Variants in PCLO observed in about 807,000 individuals in gnomAD.
The protein encoded by PCLO is piccolo presynaptic cytomatrix protein.
A neutral mutation model predicts 427.5 loss-of-function variants in PCLO; 82 were observed. That is an observed-to-expected ratio of 0.19 (90% CI 0.16 to 0.23). The LOEUF (loss-of-function observed/expected upper bound fraction) is 0.23. Among genes scored for constraint, PCLO ranks in the 10% least tolerant of loss-of-function variants. The pLI is 1.00. For missense variants in PCLO, 6,239 were observed against 6,115.9 expected, an observed-to-expected ratio of 1.02 and a Z score of -0.67; for synonymous variants, 2,357 against 2,155.4, an observed-to-expected ratio of 1.09 and a Z score of -2.59.
chr7:83,127,174 C>A (rs1200584900), intron 3 of PCLO, among the ~76,000 whole-genome samples: 1 of 151,940 alleles, frequency 6.6e-6, no homozygotes, highest in Non-Finnish European at 1.5e-5. Context: ...TACATCTATT[C>A]ACCTTATAAA....
chr7:82,759,313 T>G (rs1235105908), intron 24 of PCLO, among the ~76,000 whole-genome samples: 1 of 151,814 alleles, frequency 6.6e-6, no homozygotes, highest in East Asian at 1.9e-4. Context: ...TAAGCAGTAA[T>G]CCTTGTAATT....
At chr7:82,840,709 A>T (rs1276098400) in intron 14 of PCLO, among the ~76,000 whole-genome samples, 1 of 151,940 alleles carries the variant, frequency 6.6e-6, no homozygotes, top group Non-Finnish European at 1.5e-5. Context: ...CTTTTGTGAA[A>T]ATTTCCTCTA....
chr7:82,762,455 G>A (rs1362689025), intron 22 of PCLO, among the ~76,000 whole-genome samples: 1 of 151,934 alleles, frequency 6.6e-6, no homozygotes, highest in African/African-American at 2.4e-5. Flanking sequence ...TCCATTAAAG[G>A]TCTTTAAACA....
At position 82,841,524 on chromosome 7, in the gene PCLO, AACATAT is replaced by A. The variant is rs1483909882; in HGVS notation, c.14047-21_14047-16del. On this transcript the variant is annotated splice_polypyrimidine_tract_variant and intron_variant, in intron 13 of 24. Transcript: ENST00000333891. ...CCATCGGTAGGCTGTAATATTAAAG[AACATAT>A]ATTACATTAATAGATACATTTTTCA... is the stretch of plus-strand genomic sequence containing the variant. 2.0e-5 allele frequency: 28 copies of A among 1,418,252 alleles called. No homozygotes were observed. Among genetic ancestry groups the A allele is most frequent in the Admixed American group, 8.5e-5 (5 of 58,788 alleles). 87.9% of individuals were successfully genotyped at this position (1,418,252 alleles called of 1,614,324 possible).
rs1159339429 is a variant in PCLO, at chr7:83,029,698, C to T, written c.3301-63211G>A. Among the ~76,000 whole-genome samples, 7 of 121,418 alleles carry T rather than the reference C, an allele frequency of 5.8e-5. No homozygotes were observed. In the East Asian group the frequency reaches 1.6e-3, roughly 28 times the overall value. The allele number at this position is 121,418 out of a possible 152,430, so 79.7% of individuals were successfully genotyped here. ...GCGGCATTATTCACAATAGCAAAGACTTGGAACCAACCCAAATGTCCAACA... is the reference window on the plus strand; with the variant it reads ...GCGGCATTATTCACAATAGCAAAGATTTGGAACCAACCCAAATGTCCAACA... On this transcript the variant is annotated intron_variant, in intron 3 of 24. Transcript: ENST00000333891.
At chr7:82,783,557 G>A (rs1790920664) in intron 22 of PCLO, among the ~76,000 whole-genome samples, 2 of 152,142 alleles carry the variant, frequency 1.3e-5, no homozygotes, top group Non-Finnish European at 2.9e-5. Flanking sequence ...GGGAGGCGGA[G>A]CTTGCAGTGA....
In PCLO at chr7:82,950,005, G is replaced by A; in HGVS notation, c.10583C>T (p.Thr3528Ile). The A allele has an allele frequency of 1.2e-6, 2 of 1,613,328 alleles. No homozygotes were observed. The highest frequency in any genetic ancestry group is 1.7e-6 in the Non-Finnish European group (2 of 1,179,774). The change falls in exon 6 of 25, where the codon ACT (threonine) becomes ATT (isoleucine). Residue 3528 changes from threonine (T) to isoleucine (I), a missense_variant. This residue lies in a region of PCLO where 4,677 missense variants were observed against 4,468.4 expected (regional missense o/e 1.05). Coordinates refer to ENST00000333891, the MANE Select transcript of PCLO (RefSeq NM_033026.6). Reference protein sequence around the residue: ...VQTVAEISVQTEPVGTIRTPS... With the variant: ...VQTVAEISVQIEPVGTIRTPS... Reference sequence around the variant, plus strand: ...TGTTCTTATGGTTCCAACTGGTTCAGTTTGCACAGATATCTCTGCTACCGT... The same window carrying A: ...TGTTCTTATGGTTCCAACTGGTTCAATTTGCACAGATATCTCTGCTACCGT...
intron 3 of PCLO, among the ~76,000 whole-genome samples, chr7:83,125,285 C>T (rs1015967232): frequency 1.2e-4 from 18 of 152,096 alleles, no homozygotes; most frequent in East Asian, 2.0e-4. Flanking sequence ...CCCCTCCGCC[C>T]GGCCGCCGCC....
intron 9 of PCLO, among the ~76,000 whole-genome samples, chr7:82,892,576 T>A (rs1187055442): frequency 1.3e-5 from 2 of 151,304 alleles, no homozygotes; most frequent in Admixed American, 1.3e-4. Flanking sequence ...AATTGACAAA[T>A]GGGATCTAAT....
At chr7:82,922,167 A>AAG (rs1794610856) in intron 6 of PCLO, among the ~76,000 whole-genome samples, 1 of 152,044 alleles carries the variant, frequency 6.6e-6, no homozygotes, top group South Asian at 2.1e-4. Context: ...CCACTGTGGA[A>AAG]AGCAGTTTGG....
intron 9 of PCLO, among the ~76,000 whole-genome samples, chr7:82,893,596 AG>A (rs1312968778): frequency 2.6e-5 from 4 of 152,056 alleles, no homozygotes; most frequent in Non-Finnish European, 5.9e-5. Flanking sequence ...AAATAGAAAA[AG>A]AAAAAAAATA....
At chr7:82,996,257 C>T (rs970034946) in intron 3 of PCLO, among the ~76,000 whole-genome samples, 25 of 151,848 alleles carry the variant, frequency 1.6e-4, no homozygotes, top group African/African-American at 5.8e-4. Context: ...ATTTTATTTT[C>T]AGTACTCTTG....
rs1412684958 is a variant in PCLO at position 82,955,297 on chromosome 7, A to T, written c.5656T>A (p.Leu1886Met). 1.9e-6 allele frequency: 3 copies of T among 1,613,140 alleles called. No individual in the cohort carries two copies. In the African/African-American group the frequency reaches 4.0e-5, roughly 22 times the overall value. ...GAGTATAATGAAACAGCTGTGGGCA[A>T]TTTATAAACTTTTTGTACTTCTATT... ...KIIEVQKVYK[L>M]PTAVSLYSPT... The change falls in exon 5 of 25, where the codon TTG (leucine) becomes ATG (methionine). Residue 1886 changes from leucine to methionine, a missense_variant. Physicochemically the swap from Leu to Met is conservative, Grantham distance 15 (BLOSUM62 2). Around this residue, in one of 5 missense-constraint regions of PCLO, gnomAD observed 4,677 missense variants for 4,468.4 expected, o/e 1.05. Transcript: ENST00000333891.
At chr7:82,939,105 G>A (rs1323266360) in intron 6 of PCLO, among the ~76,000 whole-genome samples, 3 of 152,012 alleles carry the variant, frequency 2.0e-5, no homozygotes, top group East Asian at 3.9e-4. Flanking sequence ...CGTCCATAAA[G>A]ACAGACTGTA....
In PCLO at chr7:82,840,831, A is replaced by C. The variant is rs374744188; in HGVS notation, c.14097+628T>G. On this transcript the variant is annotated intron_variant, in intron 14 of 24. Transcript: ENST00000333891. Reference sequence around the variant, plus strand: ...CTATATGCTATTTCTTATTTAGTCTAAATTACTTCTTGGTATCACCTAAGG... The same window carrying C: ...CTATATGCTATTTCTTATTTAGTCTCAATTACTTCTTGGTATCACCTAAGG... Among the ~76,000 whole-genome samples the C allele has an allele frequency of 1.3e-4, 20 of 152,038 alleles. No individual in the cohort carries two copies. In the East Asian group the frequency reaches 3.3e-3, roughly 25 times the overall value.
chr7:83,134,244 AC>A lies in PCLO; in HGVS notation c.3300+5del. ...ATATATATATATATATATATATATA[AC>A]TTACCTCAGTCAAATGTGGTGTAGG... is the stretch of plus-strand genomic sequence containing the variant. On this transcript the variant is annotated splice_donor_5th_base_variant and intron_variant, in intron 3 of 24. Coordinates refer to ENST00000333891, the MANE Select transcript of PCLO (RefSeq NM_033026.6). 1.4e-6 allele frequency: 1 copy of A among 731,044 alleles called. No individual in the cohort carries two copies. Among genetic ancestry groups the A allele is most frequent in the Non-Finnish European group, 2.0e-6 (1 of 500,814 alleles). 45.3% of individuals were successfully genotyped at this position (731,044 alleles called of 1,614,324 possible).
intron 10 of PCLO, among the ~76,000 whole-genome samples, chr7:82,858,553 G>A (rs1264633504): frequency 6.6e-6 from 1 of 152,040 alleles, no homozygotes; most frequent in Admixed American, 6.6e-5. Flanking sequence ...ATGGAAAACA[G>A]TCAAGACTCC....
At chr7:82,997,642 T>C (rs1266258714) in intron 3 of PCLO, among the ~76,000 whole-genome samples, 1 of 151,940 alleles carries the variant, frequency 6.6e-6, no homozygotes, top group East Asian at 1.9e-4. Context: ...TAAAGATCAC[T>C]TATAGGTCAG....
chr7:82,949,865 T>G lies in PCLO; in HGVS notation c.10723A>C (p.Thr3575Pro), dbSNP rs61995905. The G allele has an allele frequency of 4.3e-6, 7 of 1,613,686 alleles. No individual in the cohort carries two copies. In the African/African-American group the frequency reaches 8.0e-5, roughly 18 times the overall value. The change falls in exon 6 of 25, where the codon ACA becomes CCA. Residue 3575 changes from threonine to proline, a missense_variant. By Grantham distance (38) the Thr-to-Pro change is conservative (BLOSUM62 -1). Around this residue, in one of 5 missense-constraint regions of PCLO, gnomAD observed 4,677 missense variants for 4,468.4 expected, o/e 1.05. Coordinates refer to ENST00000333891, the MANE Select transcript of PCLO (RefSeq NM_033026.6). Reference sequence around the variant, plus strand: ...GCACTCAGATATTGAGGACTTTGTGTGTCTGAATCTGCTTCTGTTTGACAT... The same window carrying G: ...GCACTCAGATATTGAGGACTTTGTGGGTCTGAATCTGCTTCTGTTTGACAT... ...LGCQTEADSD[T>P]QSPQYLSATS...
Sources: gnomAD v4.1 joint callset for allele counts (sites outside exome capture counted in the v4.1 genomes callset) on GRCh38, gnomAD v4.1.1 for gene constraint, gnomAD v4.1.1 regional missense constraint, MANE v1.5 for transcripts, NCBI Gene and HGNC (gene_info 2026-07-23, HGNC 2026-07-21) for gene names.